The following TNNI3K variants were observed in gnomAD, a reference collection of about 807,000 sequenced individuals.
TNNI3K encodes serine/threonine-protein kinase TNNI3K.
In TNNI3K, 140 loss-of-function variants were observed where a neutral mutation model predicts 114.5. That is an observed-to-expected ratio of 1.22 (90% CI 1.07 to 1.41). The LOEUF (loss-of-function observed/expected upper bound fraction) is 1.41. TNNI3K is among the 40% of genes most tolerant of loss of function. The pLI, the probability that TNNI3K is intolerant of heterozygous loss-of-function variation, is 0.00. For missense variants in TNNI3K, 1,125 were observed against 1,007.6 expected (o/e 1.12, Z -1.58); for synonymous variants, 347 against 347.5 (o/e 1.00, Z 0.02).
intron 21 of TNNI3K, among the ~76,000 whole-genome samples, chr1:74,485,522 C>T (rs1668712796): frequency 6.6e-6 from 1 of 152,158 alleles, no homozygotes; most frequent in African/African-American, 2.4e-5. Flanking sequence ...TGCAAGATTC[C>T]TGTCCCCTGG....
chr1:74,459,229 A>G (rs551277634), intron 20 of TNNI3K, among the ~76,000 whole-genome samples: 137 of 152,356 alleles, frequency 9.0e-4, no homozygotes, highest in African/African-American at 3.2e-3. Context: ...TAAGGGAAAT[A>G]ATGCATACCT....
At chr1:74,321,499 G>C (rs1215226705) in intron 5 of TNNI3K, among the ~76,000 whole-genome samples, 1 of 151,742 alleles carries the variant, frequency 6.6e-6, no homozygotes, top group Non-Finnish European at 1.5e-5. Context: ...TGTATCTTCA[G>C]CCTTGCCCTC....
At chr1:74,403,437 C>T (rs1664468139) in intron 17 of TNNI3K, among the ~76,000 whole-genome samples, 1 of 152,056 alleles carries the variant, frequency 6.6e-6, no homozygotes, top group Non-Finnish European at 1.5e-5. Flanking sequence ...TTTGTTCTCT[C>T]CCGTGTTACT....
At chr1:74,451,422 T>C (rs1226765075) in intron 20 of TNNI3K, among the ~76,000 whole-genome samples, 2 of 152,050 alleles carry the variant, frequency 1.3e-5, no homozygotes, top group Non-Finnish European at 2.9e-5. Context: ...TGAATCAATG[T>C]CCAATTTTTT....
chr1:74,418,407 G>A (rs987499176), intron 17 of TNNI3K: 26 of 160,180 alleles, frequency 1.6e-4, no homozygotes, highest in Non-Finnish European at 2.1e-4. Context: ...TCATTCTAAT[G>A]CTTTTTTTTC....
chr1:74,322,704 G>T (rs1342199508), intron 5 of TNNI3K, among the ~76,000 whole-genome samples: 1 of 151,988 alleles, frequency 6.6e-6, no homozygotes, highest in Non-Finnish European at 1.5e-5. Flanking sequence ...CAGGCAGTCT[G>T]CCCACCTCGG....
At chr1:74,445,511 A>G (rs79714710) in intron 20 of TNNI3K, among the ~76,000 whole-genome samples, 11,362 of 146,824 alleles carry the variant, frequency 0.077, 461 homozygotes, top group African/African-American at 0.11. Context: ...GAGAATGATG[A>G]TTTCCAATTT....
intron 5 of TNNI3K, 146 bp from the exon 6 acceptor site, chr1:74,331,304 G>A (rs1660189577): frequency 1.6e-5 from 11 of 674,004 alleles, no homozygotes; most frequent in South Asian, 9.2e-5. Context: ...ACAGGACACT[G>A]GAGGTCTTGG....
chr1:74,542,719 G>A (rs1052029802), intron 24 of TNNI3K, among the ~76,000 whole-genome samples: 1 of 152,218 alleles, frequency 6.6e-6, no homozygotes, highest in African/African-American at 2.4e-5. Context: ...GGTTGGTTAT[G>A]AAAACTCAGC....
chr1:74,450,568 C>G (rs550017828), intron 20 of TNNI3K, among the ~76,000 whole-genome samples: 1 of 151,992 alleles, frequency 6.6e-6, no homozygotes, highest in Admixed American at 6.6e-5. Context: ...AAAAAAAACC[C>G]ATTAAAAAGT....
At chr1:74,488,498 AAAG>A (rs1463966618) in intron 21 of TNNI3K, among the ~76,000 whole-genome samples, 4 of 152,228 alleles carry the variant, frequency 2.6e-5, no homozygotes, top group Non-Finnish European at 5.9e-5. Flanking sequence ...GGATCTGACA[AAAG>A]AAGACAATTT....
intron 2 of TNNI3K, among the ~76,000 whole-genome samples, chr1:74,239,208 G>C (rs1181980215): frequency 6.6e-6 from 1 of 152,062 alleles, no homozygotes; most frequent in Non-Finnish European, 1.5e-5. Flanking sequence ...CGTCAAGGTA[G>C]AGAGCATAAT....
At chr1:74,351,309 G>A (rs1381824548) in intron 9 of TNNI3K, among the ~76,000 whole-genome samples, 2 of 151,114 alleles carry the variant, frequency 1.3e-5, no homozygotes, top group Non-Finnish European at 3.0e-5. Flanking sequence ...CTCTCTTCTG[G>A]CTTGTAGAGT....
chr1:74,258,833 T>G (rs1655492164), intron 4 of TNNI3K, among the ~76,000 whole-genome samples: 1 of 152,214 alleles, frequency 6.6e-6, no homozygotes, highest in Non-Finnish European at 1.5e-5. Flanking sequence ...GTAACATACG[T>G]TTAAAATGAA....
intron 17 of TNNI3K, among the ~76,000 whole-genome samples, chr1:74,407,374 T>G (rs1664665907): frequency 6.6e-6 from 1 of 152,164 alleles, no homozygotes; most frequent in East Asian, 1.9e-4. Flanking sequence ...TACAAGGAAA[T>G]GTGATTCTGA....
chr1:74,382,539 T>C (rs1045995323), intron 17 of TNNI3K, among the ~76,000 whole-genome samples: 2 of 152,226 alleles, frequency 1.3e-5, no homozygotes, highest in Non-Finnish European at 2.9e-5. Flanking sequence ...AAAGGTTTTG[T>C]TGTTACTAAA....
intron 21 of TNNI3K, among the ~76,000 whole-genome samples, chr1:74,478,249 A>C (rs1440775515): frequency 1.3e-5 from 2 of 152,202 alleles, no homozygotes; most frequent in Non-Finnish European, 2.9e-5. Flanking sequence ...ACTACAATTT[A>C]ACAATTATTT....
At chr1:74,390,568 G>A (rs944696826) in intron 17 of TNNI3K, among the ~76,000 whole-genome samples, 1 of 152,042 alleles carries the variant, frequency 6.6e-6, no homozygotes, top group Admixed American at 6.6e-5. Flanking sequence ...GATTTATTGT[G>A]CACCTACTAT....
chr1:74,542,444 C>A (rs1314144883), intron 24 of TNNI3K, among the ~76,000 whole-genome samples: 1 of 152,150 alleles, frequency 6.6e-6, no homozygotes, highest in East Asian at 1.9e-4. Context: ...TTAGTCTACA[C>A]AGAATTTAGA....
Sources: allele counts gnomAD v4.1 joint callset (sites outside exome capture counted in the v4.1 genomes callset), GRCh38; gene constraint gnomAD v4.1.1; transcripts MANE v1.5; gene names NCBI Gene and HGNC (gene_info 2026-07-23, HGNC 2026-07-21).